CALCRL: variants seen among roughly 807,000 people sequenced by gnomAD.
CALCRL encodes calcitonin receptor like receptor.
CALCRL carries 27 observed loss-of-function variants against 60.4 expected under a neutral mutation model. The ratio of observed to expected loss-of-function variants is 0.45; its 90% CI spans 0.33 to 0.62. CALCRL has a LOEUF of 0.62. Among genes scored for constraint, CALCRL ranks in the 20% least tolerant of loss-of-function variants. The pLI is 0.03. For missense variants in CALCRL, 424 were observed against 540.7 expected, an observed-to-expected ratio of 0.78 and a Z score of 2.14; for synonymous variants, 190 against 182.6, an observed-to-expected ratio of 1.04 and a Z score of -0.33.
intron 8 of CALCRL, among the ~76,000 whole-genome samples, chr2:187,377,303 C>T (rs571094425): frequency 1.3e-5 from 2 of 152,056 alleles, no homozygotes; most frequent in African/African-American, 4.8e-5. Flanking sequence ...CAGTAGTGAT[C>T]AGGAAATGGA....
chr2:187,351,933 A>T lies in CALCRL; in HGVS notation c.1157T>A (p.Phe386Tyr). 1 of 1,586,922 alleles carries T rather than the reference A, an allele frequency of 6.3e-7. No homozygotes were observed. The highest frequency in any genetic ancestry group is 8.6e-7 in the Non-Finnish European group (1 of 1,157,924). ...CAATTATCATACCTCTCCATTAAAGAAGCAGAAAATGGTAGAGACCAAAAG... is the reference window on the plus strand; with the variant it reads ...CAATTATCATACCTCTCCATTAAAGTAGCAGAAAATGGTAGAGACCAAAAG... ...QGLLVSTIFCFFNGEVQAILR... is the reference protein window; with the variant it reads ...QGLLVSTIFCYFNGEVQAILR... The change falls in exon 14 of 15, where the codon TTC becomes TAC. Residue 386 changes from phenylalanine to tyrosine, a missense_variant. Around this residue, in one of 7 missense-constraint regions of CALCRL, gnomAD observed 222 missense variants for 265.6 expected, o/e 0.84. Transcript: ENST00000392370.
Position 187,352,323 on chromosome 2 carries a change from A to G in CALCRL, c.919T>C (p.Phe307Leu). ...PICAALLVNL[F>L]FLLNIVRVLI... ...ACGCGTACAATATTTAACAAGAAAA[A>G]AAGATTCACCTAAAAACGAAATTAA... Residue 307 changes from phenylalanine to leucine, a missense_variant, in exon 13 of 15, where the codon TTT becomes CTT. Around this residue, in one of 7 missense-constraint regions of CALCRL, gnomAD observed 222 missense variants for 265.6 expected, o/e 0.84. Transcript: ENST00000392370. 6.2e-7 allele frequency: 1 copy of G among 1,606,066 alleles called. No homozygotes were observed.
rs1479858770 is a variant in CALCRL at position 187,363,274 on chromosome 2, T to C, written c.627+102A>G. On this transcript the variant is annotated intron_variant, in intron 9 of 14. Coordinates refer to ENST00000392370, the MANE Select transcript of CALCRL (RefSeq NM_005795.6). ...TATATATATGTCAGACTTGAAAATA[T>C]ACATATATGTGTACTTAATTATACA... 4 of 1,104,804 alleles carry C rather than the reference T, an allele frequency of 3.6e-6. No homozygotes were observed. In the African/African-American group the frequency reaches 4.8e-5, roughly 13 times the overall value. 68.4% of individuals were successfully genotyped at this position (1,104,804 alleles called of 1,614,324 possible). A position where few individuals can be genotyped will look rare whatever the true frequency, so the allele number is the denominator to read the frequency against.
chr2:187,414,803 T>C lies in CALCRL; in HGVS notation c.-292-27047A>G, dbSNP rs560083836. ...CCAGTGTCTACCCACCAGACAAACA[T>C]TGGCACACACATCATCCCAAATTTA... On this transcript the variant is annotated intron_variant, in intron 1 of 14. Coordinates refer to ENST00000392370, the MANE Select transcript of CALCRL (RefSeq NM_005795.6). Among the ~76,000 whole-genome samples the C allele has an allele frequency of 5.3e-5, 8 of 152,020 alleles. No homozygotes were observed. In the East Asian group the frequency reaches 7.8e-4, roughly 15 times the overall value.
At chr2:187,373,343 T>A (rs896072388) in intron 8 of CALCRL, among the ~76,000 whole-genome samples, 1 of 152,194 alleles carries the variant, frequency 6.6e-6, no homozygotes, top group Non-Finnish European at 1.5e-5. Flanking sequence ...TAATATTGAT[T>A]CAAAAATTGA....
intron 1 of CALCRL, among the ~76,000 whole-genome samples, chr2:187,394,505 T>A (rs570821049): frequency 2.0e-5 from 3 of 152,154 alleles, no homozygotes; most frequent in African/African-American, 7.2e-5. Flanking sequence ...TGACAAAAAT[T>A]ACATTTTTTT....
intron 1 of CALCRL, among the ~76,000 whole-genome samples, chr2:187,389,291 G>C (rs367594146): frequency 1.3e-5 from 2 of 151,678 alleles, no homozygotes; most frequent in African/African-American, 4.8e-5. Flanking sequence ...CAGGCTGGTC[G>C]CAAACTCCTG....
At chr2:187,348,525 G>A (rs1686386608) in intron 14 of CALCRL, among the ~76,000 whole-genome samples, 1 of 151,484 alleles carries the variant, frequency 6.6e-6, no homozygotes, top group Admixed American at 6.6e-5. Context: ...GTCTTAAAAA[G>A]GAAAGCTTAA....
chr2:187,394,967 C>A (rs1031354047), intron 1 of CALCRL, among the ~76,000 whole-genome samples: 1 of 151,930 alleles, frequency 6.6e-6, no homozygotes, highest in African/African-American at 2.4e-5. Context: ...CTCACCTTGT[C>A]GGATTATTTT....
At chr2:187,394,205 C>G (rs1688571325) in intron 1 of CALCRL, among the ~76,000 whole-genome samples, 3 of 152,044 alleles carry the variant, frequency 2.0e-5, no homozygotes, top group Admixed American at 6.6e-5. Context: ...AAAGTGGCCT[C>G]AAGCCAGCAA....
At chr2:187,413,048 T>G (rs1689434177) in intron 1 of CALCRL, among the ~76,000 whole-genome samples, 1 of 152,194 alleles carries the variant, frequency 6.6e-6, no homozygotes, top group Non-Finnish European at 1.5e-5. Flanking sequence ...GCATTCAATT[T>G]ATTGGTATAT....
chr2:187,395,882 T>C (rs376012178), intron 1 of CALCRL, among the ~76,000 whole-genome samples: 1 of 151,996 alleles, frequency 6.6e-6, no homozygotes, highest in Non-Finnish European at 1.5e-5. Context: ...AAACAAAGCA[T>C]TAGGGTAAAA....
chr2:187,359,201 G>A lies in CALCRL; in HGVS notation c.842+11C>T. ...TATTCCAGTAGAAATAATAAAAAGAGATTTTCTTACTTGTCATTGTAATAT... is the reference window on the plus strand; with the variant it reads ...TATTCCAGTAGAAATAATAAAAAGAAATTTTCTTACTTGTCATTGTAATAT... On this transcript the variant is annotated intron_variant, in intron 11 of 14. Transcript: ENST00000392370. 2 of 1,593,348 alleles carry A rather than the reference G, an allele frequency of 1.3e-6. No homozygotes were observed. Among genetic ancestry groups the A allele is most frequent in the Non-Finnish European group, 8.6e-7 (1 of 1,166,808 alleles).
chr2:187,418,859 C>CTTT (rs369436031), intron 1 of CALCRL, among the ~76,000 whole-genome samples: 5 of 120,004 alleles, frequency 4.2e-5, no homozygotes, highest in African/African-American at 1.2e-4. Flanking sequence ...TTCTTTTTTT[C>CTTT]TTTTTTTTTT....
intron 1 of CALCRL, among the ~76,000 whole-genome samples, chr2:187,444,430 G>T (rs931734382): frequency 6.6e-6 from 1 of 151,470 alleles, no homozygotes; most frequent in Non-Finnish European, 1.5e-5. Flanking sequence ...TGGAAAAGGT[G>T]TATAACACAT....
In CALCRL at chr2:187,380,807, T is replaced by C; in HGVS notation, c.185-20A>G. 1 of 1,568,004 alleles carries C rather than the reference T, an allele frequency of 6.4e-7. No homozygotes were observed. Among genetic ancestry groups the C allele is most frequent in the Non-Finnish European group, 8.8e-7 (1 of 1,140,536 alleles). On this transcript the variant is annotated intron_variant, in intron 5 of 14. Transcript: ENST00000392370. Reference sequence around the variant, plus strand: ...AAACGCCTTAGTGGGGAAATAATAATTGGGGATAATTAAATCCTTCTACTT... The same window carrying C: ...AAACGCCTTAGTGGGGAAATAATAACTGGGGATAATTAAATCCTTCTACTT...
intron 12 of CALCRL, among the ~76,000 whole-genome samples, chr2:187,353,885 A>C (rs1213968734): frequency 6.6e-6 from 1 of 152,000 alleles, no homozygotes; most frequent in Non-Finnish European, 1.5e-5. Context: ...AAATTTTTAA[A>C]TGCAAAGTGC....
intron 8 of CALCRL, among the ~76,000 whole-genome samples, chr2:187,378,148 G>C (rs952412996): frequency 4.0e-5 from 6 of 151,876 alleles, no homozygotes; most frequent in East Asian, 1.9e-4. Context: ...GAAGAAGAAA[G>C]AAGAAAGAGA....
At chr2:187,388,936 A>G (rs1004585236) in intron 1 of CALCRL, among the ~76,000 whole-genome samples, 1 of 152,132 alleles carries the variant, frequency 6.6e-6, no homozygotes, top group Non-Finnish European at 1.5e-5. Flanking sequence ...AATTTTTGCT[A>G]AAGAAATAAG....
Sources: gnomAD v4.1 joint callset for allele counts (sites outside exome capture counted in the v4.1 genomes callset) on GRCh38, gnomAD v4.1.1 for gene constraint, gnomAD v4.1.1 regional missense constraint, MANE v1.5 for transcripts, NCBI Gene and HGNC (gene_info 2026-07-23, HGNC 2026-07-21) for gene names.